ZC3H12D: variants seen among roughly 807,000 people sequenced by gnomAD.
ZC3H12D encodes zinc finger CCCH-type containing 12D.
ZC3H12D carries 11 observed loss-of-function variants against 24.2 expected under a neutral mutation model. The ratio of observed to expected loss-of-function variants is 0.46; its 90% CI spans 0.29 to 0.75. The LOEUF (loss-of-function observed/expected upper bound fraction) is 0.75. ZC3H12D is among the 30% of genes least tolerant of loss of function. The probability of loss-of-function intolerance (pLI) is 0.11; values close to 1 mark genes in which losing one functional copy is unlikely to be tolerated. For missense variants in ZC3H12D, 740 were observed against 767.7 expected (o/e 0.96, Z 0.43); for synonymous variants, 333 against 341.8 (o/e 0.97, Z 0.28).
chr6:149,455,864 T>C (rs778715116), intron 4 of ZC3H12D, among the ~76,000 whole-genome samples: 5 of 149,810 alleles, frequency 3.3e-5, no homozygotes, highest in Non-Finnish European at 7.4e-5. Flanking sequence ...ATCATGCCAC[T>C]GCACTCCAAC....
chr6:149,479,315 C>T (rs1329096028), intron 1 of ZC3H12D, among the ~76,000 whole-genome samples: 1 of 152,188 alleles, frequency 6.6e-6, no homozygotes, highest in Non-Finnish European at 1.5e-5. Context: ...GAGCTGTGAT[C>T]ACGCCACTGA....
At chr6:149,467,958 A>G (rs1422423954) in intron 2 of ZC3H12D, among the ~76,000 whole-genome samples, 6 of 152,126 alleles carry the variant, frequency 3.9e-5, no homozygotes, top group Non-Finnish European at 1.5e-5. Flanking sequence ...GGAAAAGGAG[A>G]CAGGAGCTGG....
intron 1 of ZC3H12D, among the ~76,000 whole-genome samples, chr6:149,477,358 G>C (rs1455261205): frequency 3.3e-5 from 5 of 152,206 alleles, no homozygotes; most frequent in Non-Finnish European, 7.3e-5. Context: ...CTGATGGCAG[G>C]CACCACGTGA....
intron 2 of ZC3H12D, among the ~76,000 whole-genome samples, chr6:149,468,880 C>A (rs1720024445): frequency 6.6e-6 from 1 of 152,148 alleles, no homozygotes; most frequent in South Asian, 2.1e-4. Flanking sequence ...TGATTTCAAG[C>A]CTGATCTCTC....
chr6:149,455,981 C>A (rs1205869643), intron 4 of ZC3H12D, among the ~76,000 whole-genome samples: 2 of 148,900 alleles, frequency 1.3e-5, no homozygotes, highest in East Asian at 3.9e-4. Context: ...CAGCCAGGCA[C>A]GGTGGCTCAA....
intron 2 of ZC3H12D, among the ~76,000 whole-genome samples, chr6:149,471,533 G>A (rs913838098): frequency 1.3e-5 from 2 of 152,184 alleles, no homozygotes; most frequent in African/African-American, 4.8e-5. Context: ...ATGTCAGTGG[G>A]TTATCATATT....
chr6:149,482,858 G>A (rs1352160943), intron 1 of ZC3H12D, among the ~76,000 whole-genome samples: 2 of 152,078 alleles, frequency 1.3e-5, no homozygotes, highest in Non-Finnish European at 2.9e-5. Context: ...ACATACCCAG[G>A]CCCCTACTGT....
At chr6:149,458,298 G>A (rs1776020161) in intron 3 of ZC3H12D, among the ~76,000 whole-genome samples, 1 of 151,326 alleles carries the variant, frequency 6.6e-6, no homozygotes, top group African/African-American at 2.4e-5. Flanking sequence ...ACCACGCTCA[G>A]CTAATTTTTT....
rs1776295188 is a variant in ZC3H12D, at chr6:149,474,312, G to T, written c.232C>A (p.Leu78Met). The change falls in exon 2 of 6, where the codon CTG (leucine) becomes ATG (methionine). Residue 78 changes from leucine to methionine, a missense_variant. Coordinates refer to ENST00000409806, the MANE Select transcript of ZC3H12D (RefSeq NM_207360.3). ...GCCAGGGTTCTGAAGTCCTCTTCCA[G>T]GGCTGTCCCCGGGCCACGCTGGGCA... ...DSAQRGPGTA[L>M]EEDFRTLASS... 1 of 1,589,386 alleles carries T rather than the reference G, an allele frequency of 6.3e-7. No homozygotes were observed.
chr6:149,455,290 G>A (rs771158740), intron 4 of ZC3H12D, among the ~76,000 whole-genome samples: 18 of 152,160 alleles, frequency 1.2e-4, no homozygotes, highest in Admixed American at 1.3e-4. Context: ...CATTCACTCG[G>A]TCATTCCTTT....
intron 3 of ZC3H12D, 83 bp downstream of exon 3, chr6:149,461,748 A>T: frequency 7.2e-7 from 1 of 1,394,408 alleles, no homozygotes; most frequent in Non-Finnish European, 9.7e-7. Context: ...CAAACAACTA[A>T]GTAGATATTT....
Position 149,447,543 on chromosome 6 carries a change from AC to A in ZC3H12D, c.*3139del, listed in dbSNP as rs1190921472. Reference sequence around the variant, plus strand: ...ACATGAGCCATCGTGCCCAGTCTAAACCCACAATTTTTAACAGAACAGACCA... The same window carrying A: ...ACATGAGCCATCGTGCCCAGTCTAAACCACAATTTTTAACAGAACAGACCA... On this transcript the variant is annotated 3_prime_UTR_variant, in exon 6 of 6. Coordinates refer to ENST00000409806, the MANE Select transcript of ZC3H12D (RefSeq NM_207360.3). 1 of 152,188 alleles carries A rather than the reference AC, an allele frequency of 6.6e-6. No individual in the cohort carries two copies. Among genetic ancestry groups the A allele is most frequent in the Non-Finnish European group, 1.5e-5 (1 of 68,056 alleles). 9.4% of individuals were successfully genotyped at this position (152,188 alleles called of 1,614,324 possible).
At chr6:149,458,537 C>T (rs925827765) in intron 3 of ZC3H12D, among the ~76,000 whole-genome samples, 3 of 152,040 alleles carry the variant, frequency 2.0e-5, no homozygotes, top group South Asian at 2.1e-4. Flanking sequence ...ATTGTGTTTG[C>T]GAGGTTTGGT....
chr6:149,457,280 C>T (rs1292734001), intron 3 of ZC3H12D, among the ~76,000 whole-genome samples: 1 of 152,228 alleles, frequency 6.6e-6, no homozygotes, highest in African/African-American at 2.4e-5. Context: ...AAAGACATTC[C>T]TGTATTAACC....
intron 3 of ZC3H12D, among the ~76,000 whole-genome samples, chr6:149,457,691 C>G (rs890292236): frequency 3.3e-5 from 5 of 152,140 alleles, no homozygotes; most frequent in Non-Finnish European, 7.3e-5. Context: ...ATGGTACAAA[C>G]ATTACAAGGC....
At chr6:149,451,761 C>T (rs1775901112) in intron 5 of ZC3H12D, among the ~76,000 whole-genome samples, 1 of 152,220 alleles carries the variant, frequency 6.6e-6, no homozygotes, top group Admixed American at 6.5e-5. Context: ...AGTGTCGTTC[C>T]CAGGTCCCTT....
chr6:149,459,530 G>C (rs548099729), intron 3 of ZC3H12D: 2 of 713,842 alleles, frequency 2.8e-6, no homozygotes, highest in East Asian at 5.4e-5. Flanking sequence ...GTGGAGGTGG[G>C]AGCCATTGCC....
intron 3 of ZC3H12D, 52 bp downstream of exon 3, chr6:149,461,779 C>A: frequency 6.6e-7 from 1 of 1,514,488 alleles, no homozygotes; most frequent in Non-Finnish European, 8.9e-7. Context: ...GTTAGAAGTG[C>A]ACCAAGGAAA....
chr6:149,460,103 AG>A (rs1338633944), intron 3 of ZC3H12D, among the ~76,000 whole-genome samples: 1 of 152,230 alleles, frequency 6.6e-6, no homozygotes, highest in Non-Finnish European at 1.5e-5. Flanking sequence ...GTTGTGTAAA[AG>A]TCTAGCACGT....
Sources: allele counts gnomAD v4.1 joint callset (sites outside exome capture counted in the v4.1 genomes callset), GRCh38; gene constraint gnomAD v4.1.1; transcripts MANE v1.5; gene names NCBI Gene and HGNC (gene_info 2026-07-23, HGNC 2026-07-21).